PLB1: variants seen among roughly 807,000 people sequenced by gnomAD.
The protein encoded by PLB1 is phospholipase B1, membrane-associated.
A neutral mutation model predicts 227.4 loss-of-function variants in PLB1; 242 were observed. The observed-to-expected ratio is 1.06, with a 90% CI of 0.96 to 1.18. The LOEUF (loss-of-function observed/expected upper bound fraction) is 1.18. PLB1 is among the 50% of genes most tolerant of loss of function. The probability of loss-of-function intolerance (pLI) is 0.00; values close to 1 mark genes in which losing one functional copy is unlikely to be tolerated. For synonymous variants in PLB1, 757 were observed against 682.2 expected, an observed-to-expected ratio of 1.11 and a Z score of -1.71; for missense variants, 1,858 against 1,816.3, an observed-to-expected ratio of 1.02 and a Z score of -0.42.
In PLB1 at chr2:28,566,797, G is replaced by A; in HGVS notation, c.1282G>A (p.Val428Ile). ...TTCTTTCTTGGACCCACGTTACAGC[G>A]TCGGCGGAGATGAGAACATCGGCAC... ...LTQYRGLSWS[V>I]GGDENIGTVT... Residue 428 changes from valine to isoleucine, a missense_variant and splice_region_variant, in exon 20 of 58, where the codon GTC becomes ATC. Physicochemically the swap from Val to Ile is conservative, Grantham distance 29. Coordinates refer to ENST00000327757, the MANE Select transcript of PLB1 (RefSeq NM_153021.5). 1 of 1,614,134 alleles carries A rather than the reference G, an allele frequency of 6.2e-7. No homozygotes were observed. The highest frequency in any genetic ancestry group is 8.5e-7 in the Non-Finnish European group (1 of 1,180,012).
At chr2:28,567,295 G>A (rs865947263) in intron 20 of PLB1, among the ~76,000 whole-genome samples, 3 of 152,122 alleles carry the variant, frequency 2.0e-5, no homozygotes, top group Non-Finnish European at 4.4e-5. Context: ...GGCACCTGGG[G>A]CGCAGGCACA....
At chr2:28,591,329 A>G (rs1335439536) in intron 30 of PLB1, among the ~76,000 whole-genome samples, 158 bp downstream of exon 30, 1 of 152,234 alleles carries the variant, frequency 6.6e-6, no homozygotes, top group Non-Finnish European at 1.5e-5. Flanking sequence ...TGGGCAGAGT[A>G]AATGCCGTGG....
intron 1 of PLB1, among the ~76,000 whole-genome samples, chr2:28,510,778 T>TTGTGTGTG (rs55672002): frequency 0.02 from 2,840 of 141,562 alleles, 47 homozygotes; most frequent in Non-Finnish European, 0.028. Context: ...ACTCAGATAA[T>TTGTGTGTG]TGTGTGTGTG....
intron 1 of PLB1, among the ~76,000 whole-genome samples, chr2:28,508,105 T>A (rs548649728): frequency 7.9e-5 from 12 of 152,332 alleles, no homozygotes; most frequent in Admixed American, 3.9e-4. Flanking sequence ...ACAACACATG[T>A]AACAAGTCTT....
chr2:28,504,349 T>A (rs1205052270), intron 1 of PLB1, among the ~76,000 whole-genome samples: 2 of 152,258 alleles, frequency 1.3e-5, no homozygotes, highest in Non-Finnish European at 2.9e-5. Context: ...GGTGATTTTA[T>A]TTTTCAAATT....
chr2:28,536,897 A>C (rs1671759422), intron 9 of PLB1, among the ~76,000 whole-genome samples: 1 of 152,170 alleles, frequency 6.6e-6, no homozygotes, highest in South Asian at 2.1e-4. Flanking sequence ...CACCTTGACC[A>C]GGGGTTTCTA....
chr2:28,541,736 C>A lies in PLB1; in HGVS notation c.804C>A (p.Ser268Arg), dbSNP rs372119493. Reference protein sequence around the residue: ...QEAWNSLLASSRYSEQESFTV... With the variant: ...QEAWNSLLASRRYSEQESFTV... The stretch of plus-strand genomic sequence containing the variant: ...CCTGGAACAGCCTCCTGGCCTCCAG[C>A]AGGTACAGTGAGCAGGAGTCCTTCA... Residue 268 changes from serine (S) to arginine (R), a missense_variant, in exon 13 of 58, where the codon AGC becomes AGA. By Grantham distance (110) the Ser-to-Arg change is moderately radical. Transcript: ENST00000327757. 20 of 1,613,932 alleles carry A rather than the reference C, an allele frequency of 1.2e-5. No homozygotes were observed. Among genetic ancestry groups the A allele is most frequent in the Non-Finnish European group, 1.6e-5 (19 of 1,180,014 alleles).
intron 1 of PLB1, among the ~76,000 whole-genome samples, chr2:28,506,302 G>C (rs1029915322): frequency 2.0e-5 from 3 of 152,186 alleles, no homozygotes; most frequent in African/African-American, 7.2e-5. Context: ...TGGGCTGGAG[G>C]AATCTCATGT....
intron 31 of PLB1, 105 bp downstream of exon 31, chr2:28,591,865 G>C: frequency 8.6e-7 from 1 of 1,158,728 alleles, no homozygotes; most frequent in East Asian, 2.4e-5. Flanking sequence ...GCACAGTGAC[G>C]GCCAGTGCTT....
intron 1 of PLB1, among the ~76,000 whole-genome samples, chr2:28,499,888 A>G (rs1666891519): frequency 6.6e-6 from 1 of 152,186 alleles, no homozygotes; most frequent in Admixed American, 6.5e-5. Context: ...CTGTCTCAAA[A>G]AAAAAGGAAA....
chr2:28,598,572 AC>A, intron 34 of PLB1, 79 bp from the exon 35 acceptor site: 1 of 1,109,508 alleles, frequency 9.0e-7, no homozygotes, highest in Non-Finnish European at 1.4e-6. Flanking sequence ...CACTTTGGGG[AC>A]CTAGGTCCCA....
At position 28,643,237 on chromosome 2, in the gene PLB1, A is replaced by T; in HGVS notation, c.*176A>T. The T allele has an allele frequency of 1.9e-6, 1 of 538,494 alleles. No individual in the cohort carries two copies. The highest frequency in any genetic ancestry group is 3.3e-6 in the Non-Finnish European group (1 of 307,140). 33.4% of individuals were successfully genotyped at this position (538,494 alleles called of 1,614,324 possible). On this transcript the variant is annotated 3_prime_UTR_variant, in exon 58 of 58. Transcript: ENST00000327757. Reference sequence around the variant, plus strand: ...TTCCAGGCCTATGCTCCTGGAATGGATACATTTAAATAAAGTCCAAAGCTA... The same window carrying T: ...TTCCAGGCCTATGCTCCTGGAATGGTTACATTTAAATAAAGTCCAAAGCTA...
chr2:28,531,547 G>A (rs1397101369), intron 8 of PLB1, among the ~76,000 whole-genome samples: 1 of 152,184 alleles, frequency 6.6e-6, no homozygotes, highest in Non-Finnish European at 1.5e-5. Flanking sequence ...CCAACCTCAG[G>A]TGATCCGCCC....
chr2:28,609,179 C>G (rs1685094138), intron 43 of PLB1, among the ~76,000 whole-genome samples: 1 of 152,144 alleles, frequency 6.6e-6, no homozygotes, highest in Non-Finnish European at 1.5e-5. Flanking sequence ...CTTGGCCTTC[C>G]AAAGAGCTGG....
chr2:28,525,997 C>T, intron 6 of PLB1, 52 bp downstream of exon 6: 1 of 1,597,916 alleles, frequency 6.3e-7, no homozygotes, highest in Non-Finnish European at 8.6e-7. Flanking sequence ...TCCTTCCCAA[C>T]ACAGCAGCAT....
At chr2:28,532,566 G>GT (rs1182859325) in intron 9 of PLB1, among the ~76,000 whole-genome samples, 5 of 152,170 alleles carry the variant, frequency 3.3e-5, no homozygotes, top group Admixed American at 1.3e-4. Context: ...AGGAACAGGT[G>GT]TTTTTTACTT....
intron 24 of PLB1, 69 bp downstream of exon 24, chr2:28,582,202 C>T: frequency 1.3e-6 from 2 of 1,514,724 alleles, no homozygotes; most frequent in Non-Finnish European, 9.2e-7. Flanking sequence ...CTCTGGCATC[C>T]TGCTGAGACC....
At position 28,535,438 on chromosome 2, in the gene PLB1, G is replaced by C. The variant is rs927341727; in HGVS notation, c.556-2881G>C. On this transcript the variant is annotated intron_variant, in intron 9 of 57. Coordinates refer to ENST00000327757, the MANE Select transcript of PLB1 (RefSeq NM_153021.5). ...CTCCTTTGGCCTCCTGGCCAGGCCT[G>C]CTGGTGTTGCCCTTCTCACAGCCCA... Among the ~76,000 whole-genome samples, 3 of 152,310 alleles carry C rather than the reference G, an allele frequency of 2.0e-5. No homozygotes were observed. In the East Asian group the frequency reaches 5.8e-4, roughly 29 times the overall value.
chr2:28,524,211 A>G (rs1669918622), intron 4 of PLB1, among the ~76,000 whole-genome samples: 1 of 152,178 alleles, frequency 6.6e-6, no homozygotes, highest in Non-Finnish European at 1.5e-5. Context: ...TGTCACCACC[A>G]CACCTGGAGA....
Sources: gnomAD v4.1 joint callset for allele counts (sites outside exome capture counted in the v4.1 genomes callset) on GRCh38, gnomAD v4.1.1 for gene constraint, MANE v1.5 for transcripts, NCBI Gene and HGNC (gene_info 2026-07-23, HGNC 2026-07-21) for gene names.